SUGP1: variants seen among roughly 807,000 people sequenced by gnomAD.
SUGP1 encodes SURP and G-patch domain-containing protein 1.
A neutral mutation model predicts 76.5 loss-of-function variants in SUGP1; 34 were observed. That is an observed-to-expected ratio of 0.44 (90% CI 0.34 to 0.59). SUGP1 has a LOEUF of 0.59. SUGP1 is among the 20% of genes least tolerant of loss of function. The probability of loss-of-function intolerance (pLI) is 0.01; values close to 1 mark genes in which losing one functional copy is unlikely to be tolerated. For synonymous variants in SUGP1, 326 were observed against 326.2 expected, an observed-to-expected ratio of 1.00 and a Z score of 0.01; for missense variants, 752 against 851.7, an observed-to-expected ratio of 0.88 and a Z score of 1.46.
intron 7 of SUGP1, chr19:19,301,714 A>T (rs1425281547): frequency 6.5e-6 from 1 of 153,648 alleles, no homozygotes; most frequent in Non-Finnish European, 1.4e-5. Flanking sequence ...GTGAACACAG[A>T]CCCAGCCACT....
At chr19:19,299,379 C>CT (rs879860375) in intron 7 of SUGP1, among the ~76,000 whole-genome samples, 9 of 151,168 alleles carry the variant, frequency 6.0e-5, no homozygotes, top group Non-Finnish European at 1.2e-4. Flanking sequence ...TTTTTTCTTC[C>CT]TTTTTTTTTC....
chr19:19,294,563 A>C (rs2069532647), intron 8 of SUGP1, among the ~76,000 whole-genome samples: 1 of 152,046 alleles, frequency 6.6e-6, no homozygotes, highest in Non-Finnish European at 1.5e-5. Flanking sequence ...TTAAGAACTA[A>C]AGGTACAAAA....
rs892190941 is a variant in SUGP1, at chr19:19,280,207, T to A, written c.1328A>T (p.Lys443Met). 8 of 1,613,938 alleles carry A rather than the reference T, an allele frequency of 5.0e-6. No homozygotes were observed. The highest frequency in any genetic ancestry group is 6.8e-6 in the Non-Finnish European group (8 of 1,179,936). Reference protein sequence around the residue: ...GVTELSDAQKKQLKEQQEMQQ... With the variant: ...GVTELSDAQKMQLKEQQEMQQ... ...TACCTCCTGCTGCTCCTTCAGCTGC[T>A]TCTTCTGGGCGTCTGAAAGCTCTGT... Residue 443 changes from lysine (K) to methionine (M), a missense_variant, in exon 9 of 14, where the codon AAG becomes ATG. Around this residue, in one of 2 missense-constraint regions of SUGP1, gnomAD observed 620 missense variants for 617.3 expected, o/e 1.00. Coordinates refer to ENST00000247001, the MANE Select transcript of SUGP1 (RefSeq NM_172231.4).
chr19:19,320,385 G>A, intron 1 of SUGP1, 78 bp downstream of exon 1: 1 of 1,499,570 alleles, frequency 6.7e-7, no homozygotes, highest in Non-Finnish European at 9.1e-7. Context: ...GTCGCAGCAG[G>A]ACGGACCCGA....
chr19:19,282,950 G>A (rs889892457), intron 8 of SUGP1, among the ~76,000 whole-genome samples: 15 of 152,022 alleles, frequency 9.9e-5, no homozygotes, highest in Admixed American at 3.3e-4. Context: ...GGTGGCAGGC[G>A]CCTGTCGTCC....
At chr19:19,280,669 C>T (rs749645502) in intron 8 of SUGP1, 9 of 213,308 alleles carry the variant, frequency 4.2e-5, no homozygotes, top group South Asian at 2.8e-4. Flanking sequence ...CATGGGCGCA[C>T]GCACAAACGG....
intron 4 of SUGP1, chr19:19,304,054 G>C (rs376909773): frequency 4.5e-6 from 7 of 1,554,534 alleles, no homozygotes; most frequent in Non-Finnish European, 2.6e-6. Context: ...CTAGGTGGGA[G>C]AGAAGTGTGT....
chr19:19,279,868 A>G (rs1273204916), intron 9 of SUGP1, among the ~76,000 whole-genome samples: 1 of 152,208 alleles, frequency 6.6e-6, no homozygotes, highest in Non-Finnish European at 1.5e-5. Context: ...AGACTCTCCC[A>G]TGGGAACCAG....
chr19:19,303,926 C>T lies in SUGP1; in HGVS notation c.539-79G>A, dbSNP rs770130083. ...GGCACACTCTCTCTATGGACCACAA[C>T]GACAGAGGGGGTGGGGGGAGAAGAG... is the stretch of plus-strand genomic sequence containing the variant. On this transcript the variant is annotated intron_variant, in intron 4 of 13. Coordinates refer to ENST00000247001, the MANE Select transcript of SUGP1 (RefSeq NM_172231.4). The T allele has an allele frequency of 1.2e-5, 20 of 1,605,462 alleles. 1 individual carries two copies. The Middle Eastern group carries it at 6.6e-4, about 53-fold the overall frequency.
At position 19,310,150 on chromosome 19, in the gene SUGP1, T is replaced by C; in HGVS notation, c.257A>G (p.Asp86Gly). Residue 86 changes from aspartate to glycine, a missense_variant, in exon 3 of 14, where the codon GAT becomes GGT. By Grantham distance (94) the Asp-to-Gly change is moderately conservative. Coordinates refer to ENST00000247001, the MANE Select transcript of SUGP1 (RefSeq NM_172231.4). ...SSCISNKFAN[D>G]GSFLQQFLKL... ...CAGAAACTGCTGCAAGAAGCTACCA[T>C]CGTTGGCAAACTTGTTGGAAATGCA... is the stretch of plus-strand genomic sequence containing the variant. The C allele has an allele frequency of 6.2e-7, 1 of 1,613,808 alleles. No homozygotes were observed. The highest frequency in any genetic ancestry group is 1.1e-5 in the South Asian group (1 of 91,080).
At chr19:19,311,110 T>C (rs2061349941) in intron 2 of SUGP1, among the ~76,000 whole-genome samples, 1 of 151,316 alleles carries the variant, frequency 6.6e-6, no homozygotes, top group Admixed American at 6.6e-5. Context: ...TAGGCTGGTC[T>C]TGAACTCCTG....
chr19:19,287,751 T>C (rs1454550452), intron 8 of SUGP1, among the ~76,000 whole-genome samples: 1 of 152,194 alleles, frequency 6.6e-6, no homozygotes. Context: ...TATTCGAGAC[T>C]GTTTCTGACT....
intron 7 of SUGP1, among the ~76,000 whole-genome samples, chr19:19,299,882 G>A (rs1265088794): frequency 4.0e-5 from 6 of 151,652 alleles, no homozygotes; most frequent in Non-Finnish European, 5.9e-5. Context: ...ACCTCCGCCT[G>A]CCGGGTTCAA....
At chr19:19,296,361 G>T (rs537995516) in intron 8 of SUGP1, among the ~76,000 whole-genome samples, 1 of 151,240 alleles carries the variant, frequency 6.6e-6, no homozygotes, top group African/African-American at 2.4e-5. Flanking sequence ...TTCGAAACCA[G>T]CCTGGCCAAC....
chr19:19,313,725 C>T (rs868019838), intron 2 of SUGP1, among the ~76,000 whole-genome samples: 12 of 151,390 alleles, frequency 7.9e-5, no homozygotes, highest in Non-Finnish European at 1.0e-4. Context: ...AAAACAGGCC[C>T]GGCACGGTGG....
chr19:19,311,054 A>AT (rs35467129), intron 2 of SUGP1, among the ~76,000 whole-genome samples: 34,467 of 137,836 alleles, frequency 0.25, 4,823 homozygotes, highest in African/African-American at 0.38. Flanking sequence ...TAATTTTTTA[A>AT]TTTTTTTTTT....
chr19:19,299,539 ATT>A (rs36109106), intron 7 of SUGP1, among the ~76,000 whole-genome samples: 1 of 141,768 alleles, frequency 7.1e-6, no homozygotes. Flanking sequence ...CACCCGGCTA[ATT>A]TTTTTTTTTT....
intron 5 of SUGP1, 80 bp downstream of exon 5, chr19:19,303,644 G>A (rs1465947300): frequency 5.8e-6 from 9 of 1,558,408 alleles, no homozygotes; most frequent in Non-Finnish European, 7.1e-6. Flanking sequence ...GCCCACACTA[G>A]CAAGCACCCA....
intron 7 of SUGP1, 126 bp downstream of exon 7, chr19:19,302,139 C>G: frequency 1.4e-6 from 2 of 1,464,532 alleles, no homozygotes; most frequent in Middle Eastern, 5.0e-4. Context: ...GTCAGAGACT[C>G]TTGGACCTGC....
Sources: gnomAD v4.1 joint callset for allele counts (sites outside exome capture counted in the v4.1 genomes callset) on GRCh38, gnomAD v4.1.1 for gene constraint, gnomAD v4.1.1 regional missense constraint, MANE v1.5 for transcripts, NCBI Gene and HGNC (gene_info 2026-07-23, HGNC 2026-07-21) for gene names.